GABRA2: variants seen among roughly 807,000 people sequenced by gnomAD.
The protein encoded by GABRA2 is gamma-aminobutyric acid receptor subunit alpha-2.
A neutral mutation model predicts 48.7 loss-of-function variants in GABRA2; 16 were observed. The ratio of observed to expected loss-of-function variants is 0.33; its 90% CI spans 0.22 to 0.50. The LOEUF is 0.50. Ranked by LOEUF, GABRA2 falls within the 20% of genes least tolerant of loss-of-function variation. The pLI is 0.98. For synonymous variants in GABRA2, 185 were observed against 184.5 expected, an observed-to-expected ratio of 1.00 and a Z score of -0.02; for missense variants, 275 against 535.6, an observed-to-expected ratio of 0.51 and a Z score of 4.80.
At chr4:46,268,413 C>T (rs111512582) in intron 8 of GABRA2, among the ~76,000 whole-genome samples, 1,860 of 151,792 alleles carry the variant, frequency 0.012, 42 homozygotes, top group African/African-American at 0.043. Context: ...CAAGGGAAGA[C>T]GTTAATAGTT....
intron 3 of GABRA2, among the ~76,000 whole-genome samples, chr4:46,379,487 A>G (rs1051124542): frequency 2.0e-5 from 3 of 152,208 alleles, no homozygotes; most frequent in Non-Finnish European, 4.4e-5. Flanking sequence ...GTGCGAAATC[A>G]TCCCAATTTA....
chr4:46,299,876 T>G (rs1175124588), intron 8 of GABRA2, among the ~76,000 whole-genome samples: 2 of 151,824 alleles, frequency 1.3e-5, no homozygotes, highest in Non-Finnish European at 2.9e-5. Context: ...CTTTAAGGTC[T>G]TAGACGAGAT....
At chr4:46,271,518 T>G (rs1299397110) in intron 8 of GABRA2, among the ~76,000 whole-genome samples, 1 of 152,000 alleles carries the variant, frequency 6.6e-6, no homozygotes, top group Non-Finnish European at 1.5e-5. Context: ...GTTATAATTT[T>G]TAACACAGAG....
intron 8 of GABRA2, among the ~76,000 whole-genome samples, chr4:46,300,272 A>G (rs1725502625): frequency 6.6e-6 from 1 of 151,866 alleles, no homozygotes; most frequent in African/African-American, 2.4e-5. Context: ...ATTGGTATAC[A>G]TTTGATATCA....
At chr4:46,265,462 T>C (rs1254286322) in intron 8 of GABRA2, among the ~76,000 whole-genome samples, 1 of 125,158 alleles carries the variant, frequency 8.0e-6, no homozygotes, top group Non-Finnish European at 1.6e-5. Flanking sequence ...ATATATAATA[T>C]ATATATAATA....
At chr4:46,251,572 C>A (rs1714764082) in intron 9 of GABRA2, among the ~76,000 whole-genome samples, 1 of 151,414 alleles carries the variant, frequency 6.6e-6, no homozygotes, top group African/African-American at 2.4e-5. Context: ...CCATTTTTCA[C>A]ATGAACACCA....
chr4:46,283,698 T>C (rs1361956867), intron 8 of GABRA2, among the ~76,000 whole-genome samples: 7 of 152,226 alleles, frequency 4.6e-5, no homozygotes, highest in African/African-American at 7.2e-5. Flanking sequence ...TTGAACTCTC[T>C]GTACTCACCA....
intron 8 of GABRA2, among the ~76,000 whole-genome samples, chr4:46,275,205 C>T (rs1162945460): frequency 1.3e-5 from 2 of 152,038 alleles, no homozygotes; most frequent in East Asian, 1.9e-4. Flanking sequence ...CTCTGTTCCT[C>T]GATTTTTAAA....
At chr4:46,284,835 T>C (rs1722229820) in intron 8 of GABRA2, among the ~76,000 whole-genome samples, 1 of 151,810 alleles carries the variant, frequency 6.6e-6, no homozygotes, top group African/African-American at 2.4e-5. Flanking sequence ...AGAGTAGTAT[T>C]TTTTTTATTA....
chr4:46,266,710 A>C (rs1010060684), intron 8 of GABRA2, among the ~76,000 whole-genome samples: 18 of 144,808 alleles, frequency 1.2e-4, no homozygotes, highest in Non-Finnish European at 1.5e-5. Context: ...CATGTCTTCA[A>C]ATATTCTCTT....
intron 8 of GABRA2, among the ~76,000 whole-genome samples, chr4:46,290,077 C>T (rs1343775580): frequency 2.4e-5 from 3 of 125,376 alleles, no homozygotes; most frequent in African/African-American, 8.2e-5. Flanking sequence ...GTGCCCGGCT[C>T]ATTTTTTGTA....
chr4:46,344,130 C>A (rs551409709), intron 3 of GABRA2, among the ~76,000 whole-genome samples: 1 of 151,674 alleles, frequency 6.6e-6, no homozygotes, highest in Non-Finnish European at 1.5e-5. Flanking sequence ...TAAAAAAGGA[C>A]GCAGTCCCAA....
At chr4:46,251,555 C>T (rs1714762459) in intron 9 of GABRA2, among the ~76,000 whole-genome samples, 1 of 151,376 alleles carries the variant, frequency 6.6e-6, no homozygotes, top group Non-Finnish European at 1.5e-5. Flanking sequence ...TATACCATCT[C>T]CCCACCCCAT....
intron 7 of GABRA2, among the ~76,000 whole-genome samples, chr4:46,304,923 CAAAA>C (rs34292975): frequency 2.5e-5 from 2 of 80,648 alleles, no homozygotes; most frequent in South Asian, 5.2e-4. Flanking sequence ...GACTCTGTCT[CAAAA>C]AAAAAAAAAA....
At chr4:46,288,285 T>C (rs1176562767) in intron 8 of GABRA2, among the ~76,000 whole-genome samples, 1 of 152,182 alleles carries the variant, frequency 6.6e-6, no homozygotes, top group East Asian at 1.9e-4. Flanking sequence ...ATAGAAATGT[T>C]AGTAATTTTT....
intron 4 of GABRA2, among the ~76,000 whole-genome samples, chr4:46,316,897 C>G (rs961107936): frequency 1.3e-5 from 2 of 151,848 alleles, no homozygotes; most frequent in South Asian, 2.1e-4. Flanking sequence ...AGAACAAACT[C>G]CAATGCACAA....
chr4:46,324,007 G>C (rs150660036), intron 4 of GABRA2, among the ~76,000 whole-genome samples: 89 of 151,956 alleles, frequency 5.9e-4, no homozygotes, highest in African/African-American at 2.1e-3. Flanking sequence ...CTCACTGATA[G>C]TTATAATGCC....
chr4:46,260,027 A>G (rs773207449), intron 9 of GABRA2, among the ~76,000 whole-genome samples: 2 of 151,862 alleles, frequency 1.3e-5, no homozygotes, highest in Non-Finnish European at 2.9e-5. Flanking sequence ...TAAATTCATT[A>G]TAAGTTTTTT....
intron 9 of GABRA2, among the ~76,000 whole-genome samples, chr4:46,259,702 C>T (rs1160153957): frequency 6.6e-6 from 1 of 151,726 alleles, no homozygotes; most frequent in Non-Finnish European, 1.5e-5. Flanking sequence ...ACCGCATTTG[C>T]TCATGTTTAC....
Sources: gnomAD v4.1 joint callset for allele counts (sites outside exome capture counted in the v4.1 genomes callset) on GRCh38, gnomAD v4.1.1 for gene constraint, MANE v1.5 for transcripts, NCBI Gene and HGNC (gene_info 2026-07-23, HGNC 2026-07-21) for gene names.